KAT14: variants seen among roughly 807,000 people sequenced by gnomAD.
KAT14 encodes the protein cysteine-rich protein 2-binding protein.
In KAT14, 66 loss-of-function variants were observed where a neutral mutation model predicts 78.4. That is an observed-to-expected ratio of 0.84 (90% CI 0.69 to 1.03). The LOEUF (loss-of-function observed/expected upper bound fraction) is 1.03. Ranked by LOEUF, KAT14 falls within the 50% of genes least tolerant of loss-of-function variation. The probability of loss-of-function intolerance (pLI) is 0.00; values close to 1 mark genes in which losing one functional copy is unlikely to be tolerated. For synonymous variants in KAT14, 344 were observed against 359.4 expected (o/e 0.96, Z 0.48); for missense variants, 870 against 972.5 (o/e 0.89, Z 1.40).
Position 18,142,641 on chromosome 20 carries a change from G to A in KAT14, c.-20G>A, listed in dbSNP as rs201457340. ...AGGGTTGTTACTGAGAAGCACTGCC[G>A]AGCTTGTGAGAAGGAAGGGATGGAT... On this transcript the variant is annotated 5_prime_UTR_variant, in exon 2 of 11. Coordinates refer to ENST00000688188, the MANE Select transcript of KAT14 (RefSeq NM_001392073.1). The A allele has an allele frequency of 1.2e-4, 192 of 1,613,466 alleles. No homozygotes were observed. Among genetic ancestry groups the A allele is most frequent in the South Asian group, 8.5e-4 (77 of 91,020 alleles).
At chr20:18,155,093 C>T (rs1211602713) in intron 4 of KAT14, among the ~76,000 whole-genome samples, 1 of 152,156 alleles carries the variant, frequency 6.6e-6, no homozygotes, top group Non-Finnish European at 1.5e-5. Flanking sequence ...CCTTATTGGT[C>T]AGGCTGGTCT....
intron 9 of KAT14, chr20:18,183,522 T>C: frequency 2.0e-6 from 2 of 985,208 alleles, no homozygotes; most frequent in African/African-American, 3.5e-5. Context: ...TCCCTGTTTG[T>C]CTCTGTTTCC....
At chr20:18,149,985 T>C (rs375420263) in intron 3 of KAT14, among the ~76,000 whole-genome samples, 1 of 152,134 alleles carries the variant, frequency 6.6e-6, no homozygotes, top group African/African-American at 2.4e-5. Flanking sequence ...AAAAAACATC[T>C]ATATGAGTAT....
intron 7 of KAT14, among the ~76,000 whole-genome samples, chr20:18,169,245 CAT>C (rs2146466582): frequency 6.6e-6 from 1 of 152,284 alleles, no homozygotes; most frequent in East Asian, 1.9e-4. Context: ...ACATATTAAA[CAT>C]ATTATAGGCA....
At chr20:18,160,040 A>G (rs2038361050) in intron 5 of KAT14, among the ~76,000 whole-genome samples, 1 of 152,124 alleles carries the variant, frequency 6.6e-6, no homozygotes, top group South Asian at 2.1e-4. Context: ...CAGCCTCCCA[A>G]ATAACATGCC....
At chr20:18,152,203 G>A (rs1342064016) in intron 4 of KAT14, among the ~76,000 whole-genome samples, 1 of 152,018 alleles carries the variant, frequency 6.6e-6, no homozygotes, top group African/African-American at 2.4e-5. Flanking sequence ...AGCTACTCAG[G>A]AGACCAAGGT....
chr20:18,154,013 CAGA>C (rs2038139034), intron 4 of KAT14, among the ~76,000 whole-genome samples: 1 of 152,116 alleles, frequency 6.6e-6, no homozygotes, highest in Non-Finnish European at 1.5e-5. Context: ...TTGATCTAAC[CAGA>C]AGAAGCAAAA....
intron 8 of KAT14, among the ~76,000 whole-genome samples, chr20:18,182,132 T>C (rs1051433008): frequency 6.6e-6 from 1 of 152,018 alleles, no homozygotes; most frequent in African/African-American, 2.4e-5. Context: ...TATTATTATT[T>C]TTTTTTTGAG....
intron 7 of KAT14, among the ~76,000 whole-genome samples, chr20:18,170,693 C>T (rs2038813352): frequency 6.6e-6 from 1 of 152,174 alleles, no homozygotes; most frequent in Non-Finnish European, 1.5e-5. Flanking sequence ...CGCCACCATG[C>T]CCAGCTTATT....
intron 5 of KAT14, among the ~76,000 whole-genome samples, chr20:18,160,416 GT>G (rs1375504893): frequency 6.6e-6 from 1 of 152,012 alleles, no homozygotes; most frequent in Non-Finnish European, 1.5e-5. Flanking sequence ...ACTATTATGA[GT>G]TTTCCATTTT....
At position 18,138,010 on chromosome 20, in the gene KAT14, A is replaced by C. The variant is rs1303654149; in HGVS notation, c.-495A>C. On this transcript the variant is annotated 5_prime_UTR_variant, in exon 1 of 11. Transcript: ENST00000688188. ...CCTCTCGGTGCTGCTGACGGCGGCC[A>C]CAGTGGCCGGCGTACATGTGAAGCA... The C allele has an allele frequency of 6.7e-7, 1 of 1,502,510 alleles. No individual in the cohort carries two copies. The highest frequency in any genetic ancestry group is 1.2e-5 in the South Asian group (1 of 80,594). 93.1% of individuals were successfully genotyped at this position (1,502,510 alleles called of 1,614,324 possible). A position where few individuals can be genotyped will look rare whatever the true frequency, so the allele number is the denominator to read the frequency against.
chr20:18,161,098 C>T (rs6045223), intron 5 of KAT14, among the ~76,000 whole-genome samples: 37,435 of 150,808 alleles, frequency 0.25, 5,626 homozygotes, highest in East Asian at 0.62. Context: ...TGCTTGAACC[C>T]GGGAGGCGGA....
intron 9 of KAT14, 117 bp from the exon 10 acceptor site, chr20:18,184,485 G>GTTTT (rs374086894): frequency 1.9e-4 from 115 of 601,934 alleles, no homozygotes; most frequent in Middle Eastern, 7.4e-4. Flanking sequence ...CAGTTTTGGT[G>GTTTT]TTTTTTTTTT....
At chr20:18,138,204 CGGCGG>C in intron 1 of KAT14, 153 bp downstream of exon 1, 2 of 1,264,966 alleles carry the variant, frequency 1.6e-6, no homozygotes, top group Non-Finnish European at 2.0e-6. Context: ...CGGCTGCGGC[CGGCGG>C]CCGCTCTGCT....
At position 18,142,205 on chromosome 20, in the gene KAT14, T is replaced by C; in HGVS notation, c.-453-3T>C. Reference sequence around the variant, plus strand: ...TACTGAAATCTGTTTCTTACGTTTTTAGAGGCTTCGTGACGGAGTTATCAG... The same window carrying C: ...TACTGAAATCTGTTTCTTACGTTTTCAGAGGCTTCGTGACGGAGTTATCAG... On this transcript the variant is annotated splice_polypyrimidine_tract_variant and splice_region_variant and intron_variant, in intron 1 of 10. Coordinates refer to ENST00000688188, the MANE Select transcript of KAT14 (RefSeq NM_001392073.1). 1 of 1,536,568 alleles carries C rather than the reference T, an allele frequency of 6.5e-7. No homozygotes were observed. The highest frequency in any genetic ancestry group is 1.2e-5 in the South Asian group (1 of 83,954).
chr20:18,170,093 G>A (rs943667358), intron 7 of KAT14, among the ~76,000 whole-genome samples: 1 of 152,224 alleles, frequency 6.6e-6, no homozygotes, highest in Non-Finnish European at 1.5e-5. Flanking sequence ...AGGAAAGAAG[G>A]CAGCTCTATA....
At chr20:18,141,051 T>TTTTTTTTTTTTTTTTTTTTG (rs58888387) in intron 1 of KAT14, among the ~76,000 whole-genome samples, 9 of 109,712 alleles carry the variant, frequency 8.2e-5, no homozygotes, top group African/African-American at 1.1e-4. Flanking sequence ...TTTTTTATTT[T>TTTTTTTTTTTTTTTTTTTTG]TATTTTTGCT....
chr20:18,172,478 C>T (rs2038881757), intron 7 of KAT14, among the ~76,000 whole-genome samples: 1 of 151,764 alleles, frequency 6.6e-6, no homozygotes, highest in Admixed American at 6.6e-5. Flanking sequence ...CTCACTGTAG[C>T]TGTCAGTTGA....
At chr20:18,175,485 C>T (rs971343129) in intron 7 of KAT14, among the ~76,000 whole-genome samples, 5 of 152,090 alleles carry the variant, frequency 3.3e-5, no homozygotes, top group Non-Finnish European at 5.9e-5. Context: ...CTGCCTCACT[C>T]GTACCCAGCC....
Sources: allele counts gnomAD v4.1 joint callset (sites outside exome capture counted in the v4.1 genomes callset), GRCh38; gene constraint gnomAD v4.1.1; transcripts MANE v1.5; gene names NCBI Gene and HGNC (gene_info 2026-07-23, HGNC 2026-07-21).